UNC13C: variants seen among roughly 807,000 people sequenced by gnomAD.
UNC13C encodes the protein protein unc-13 homolog C.
Under a neutral mutation model 245.4 loss-of-function variants are expected in UNC13C, and 174 were observed. The ratio of observed to expected loss-of-function variants is 0.71; its 90% CI spans 0.63 to 0.80. The LOEUF is 0.80. UNC13C is among the 30% of genes least tolerant of loss of function. The pLI is 0.00. For missense variants in UNC13C, 2,829 were observed against 2,602.9 expected, an observed-to-expected ratio of 1.09 and a Z score of -1.89; for synonymous variants, 992 against 895.1, an observed-to-expected ratio of 1.11 and a Z score of -1.93.
the UNC13C span, among the ~76,000 whole-genome samples, chr15:53,932,446 G>A: frequency 8.5e-5 from 13 of 152,192 alleles, no homozygotes; most frequent in Non-Finnish European, 1.5e-4. Context: ...CATAACCTGT[G>A]ATGTTAAAAT....
upstream of UNC13C, among the ~76,000 whole-genome samples, chr15:53,975,223 A>G (rs1893658656): frequency 1.3e-5 from 2 of 152,240 alleles, no homozygotes; most frequent in African/African-American, 4.8e-5. Flanking sequence ...GTGTTTTACT[A>G]CCATGTAATC....
chr15:54,258,206 A>T (rs2036330178), intron 8 of UNC13C, among the ~76,000 whole-genome samples: 1 of 152,060 alleles, frequency 6.6e-6, no homozygotes, highest in African/African-American at 2.4e-5. Context: ...TTTAAGCTCA[A>T]ATTTCTTTTA....
chr15:53,925,094 T>G, the UNC13C span, among the ~76,000 whole-genome samples: 2 of 152,154 alleles, frequency 1.3e-5, no homozygotes, highest in South Asian at 4.1e-4. Flanking sequence ...CTTAGTTTCA[T>G]GGGGAATGTC....
At chr15:54,083,300 G>T (rs1249852116) in intron 2 of UNC13C, among the ~76,000 whole-genome samples, 1 of 152,122 alleles carries the variant, frequency 6.6e-6, no homozygotes, top group African/African-American at 2.4e-5. Context: ...TTTGGATGTG[G>T]CTATGGCCCT....
Position 54,623,985 on chromosome 15 carries a change from C to T in UNC13C, c.6359+31C>T, listed in dbSNP as rs145511301. ...TCATAAACCCACCTTACTTATTCTACCAGGCAATAGTTACTGTACAGCTGA... is the reference window on the plus strand; with the variant it reads ...TCATAAACCCACCTTACTTATTCTATCAGGCAATAGTTACTGTACAGCTGA... On this transcript the variant is annotated intron_variant, in intron 32 of 32. Coordinates refer to ENST00000260323, the MANE Select transcript of UNC13C (RefSeq NM_001080534.3). 2.7e-5 allele frequency: 43 copies of T among 1,611,442 alleles called. No individual in the cohort carries two copies. The African/African-American group carries it at 4.8e-4, about 18-fold the overall frequency.
At chr15:54,515,956 G>T (rs1412327081) in intron 24 of UNC13C, among the ~76,000 whole-genome samples, 1 of 152,116 alleles carries the variant, frequency 6.6e-6, no homozygotes, top group Admixed American at 6.5e-5. Context: ...AAGGAATCTG[G>T]ACCATAACCC....
the UNC13C span, among the ~76,000 whole-genome samples, chr15:53,850,086 T>C: frequency 2.0e-5 from 3 of 152,246 alleles, no homozygotes; most frequent in South Asian, 2.1e-4. Flanking sequence ...AGTTCCTGTT[T>C]GCCTTCATTT....
chr15:54,322,209 G>A, intron 14 of UNC13C, 114 bp downstream of exon 14: 1 of 1,057,290 alleles, frequency 9.5e-7, no homozygotes, highest in Non-Finnish European at 1.3e-6. Context: ...ACATTTTAGG[G>A]AATAGCGTAA....
intron 19 of UNC13C, among the ~76,000 whole-genome samples, chr15:54,467,741 C>G (rs545544251): frequency 6.6e-6 from 1 of 151,798 alleles, no homozygotes; most frequent in African/African-American, 2.4e-5. Context: ...ATTTGTCTCA[C>G]TAAGCATAAT....
Position 54,223,610 on chromosome 15 carries a change from A to G in UNC13C, c.3072-11420A>G, listed in dbSNP as rs76903248. 3.5e-3 allele frequency among the ~76,000 whole-genome samples: 532 copies of G among 151,998 alleles called. 5 individuals carry two copies. In the East Asian group the frequency reaches 0.04, roughly 11 times the overall value. On this transcript the variant is annotated intron_variant, in intron 4 of 32. Transcript: ENST00000260323. ...GTTTTTGCTCAGGATAGCTTTGCTT[A>G]TCCTGAGTCTTTTGCAATTCCATTT...
chr15:53,900,163 C>G, the UNC13C span, among the ~76,000 whole-genome samples: 1 of 151,794 alleles, frequency 6.6e-6, no homozygotes, highest in Admixed American at 6.6e-5. Context: ...TAATGAGGGA[C>G]TAGAATGATA....
chr15:54,406,423 G>C (rs2040294697), intron 18 of UNC13C, among the ~76,000 whole-genome samples: 1 of 152,060 alleles, frequency 6.6e-6, no homozygotes, highest in African/African-American at 2.4e-5. Context: ...CTTGCTGCAG[G>C]GGAAAATCAT....
At chr15:54,608,901 C>G (rs1270374533) in intron 30 of UNC13C, among the ~76,000 whole-genome samples, 2 of 152,174 alleles carry the variant, frequency 1.3e-5, no homozygotes, top group Non-Finnish European at 2.9e-5. Flanking sequence ...CAGAGCAGTA[C>G]ATTACCACCC....
Position 54,259,380 on chromosome 15 carries a change from A to G in UNC13C, c.3449-4788A>G, listed in dbSNP as rs562954602. Among the ~76,000 whole-genome samples the G allele has an allele frequency of 1.1e-4, 16 of 152,340 alleles. 1 individual carries two copies. In the South Asian group the frequency reaches 2.1e-3, roughly 20 times the overall value. ...AGGTTTAATGGACTCACAATTCCACATGGCTGGTGAGGCCTAACAGTCATG... is the reference window on the plus strand; with the variant it reads ...AGGTTTAATGGACTCACAATTCCACGTGGCTGGTGAGGCCTAACAGTCATG... On this transcript the variant is annotated intron_variant, in intron 8 of 32. Transcript: ENST00000260323.
intron 17 of UNC13C, among the ~76,000 whole-genome samples, chr15:54,376,435 A>G (rs2140891486): frequency 6.6e-6 from 1 of 152,338 alleles, no homozygotes; most frequent in South Asian, 2.1e-4. Context: ...TAAATTTTAT[A>G]AAGAACAATG....
At chr15:54,342,234 T>G (rs2038751034) in intron 17 of UNC13C, among the ~76,000 whole-genome samples, 2 of 152,206 alleles carry the variant, frequency 1.3e-5, no homozygotes, top group African/African-American at 4.8e-5. Flanking sequence ...CTTTTTTGGT[T>G]ATATGGATTT....
intron 19 of UNC13C, among the ~76,000 whole-genome samples, chr15:54,466,026 T>G (rs888211531): frequency 3.9e-5 from 6 of 152,044 alleles, no homozygotes; most frequent in African/African-American, 1.2e-4. Flanking sequence ...AATGGAATCC[T>G]GTTATATGCA....
intron 17 of UNC13C, among the ~76,000 whole-genome samples, chr15:54,371,214 C>T (rs1257868417): frequency 6.6e-6 from 1 of 152,130 alleles, no homozygotes; most frequent in Non-Finnish European, 1.5e-5. Flanking sequence ...CCCTGGTAAC[C>T]ATCATTTTAC....
chr15:54,529,507 C>T (rs1174325145), intron 25 of UNC13C, among the ~76,000 whole-genome samples: 1 of 152,060 alleles, frequency 6.6e-6, no homozygotes, highest in Non-Finnish European at 1.5e-5. Context: ...AAACACTGTG[C>T]CTGTTCTGTT....
Sources: gnomAD v4.1 joint callset for allele counts (sites outside exome capture counted in the v4.1 genomes callset) on GRCh38, gnomAD v4.1.1 for gene constraint, MANE v1.5 for transcripts, NCBI Gene and HGNC (gene_info 2026-07-23, HGNC 2026-07-21) for gene names.